TMEM232: variants seen among roughly 807,000 people sequenced by gnomAD.
The protein encoded by TMEM232 is transmembrane protein 232.
Under a neutral mutation model 78.8 loss-of-function variants are expected in TMEM232, and 80 were observed. The ratio of observed to expected loss-of-function variants is 1.01; its 90% CI spans 0.85 to 1.22. The LOEUF (loss-of-function observed/expected upper bound fraction) is 1.22. Ranked by LOEUF, TMEM232 falls within the 50% of genes most tolerant of loss-of-function variation. The probability of loss-of-function intolerance (pLI) is 0.00; values close to 1 mark genes in which losing one functional copy is unlikely to be tolerated. For missense variants in TMEM232, 881 were observed against 742.2 expected (o/e 1.19, Z -2.17); for synonymous variants, 297 against 254.3 (o/e 1.17, Z -1.60).
chr5:110,672,024 A>C (rs902153275), intron 1 of TMEM232, among the ~76,000 whole-genome samples: 3 of 152,182 alleles, frequency 2.0e-5, no homozygotes, highest in South Asian at 2.1e-4. Flanking sequence ...AAAGAAAAAA[A>C]TACAGGCCAT....
In TMEM232 at chr5:110,638,293, C is replaced by A. The variant is rs1417371583; in HGVS notation, c.406G>T (p.Ala136Ser). The A allele has an allele frequency of 5.8e-6, 9 of 1,550,830 alleles. No homozygotes were observed. ...ACCGATTCCGCAACAAAAAATAAGG[C>A]AGGCAGATGATCATAATCAAAGGAA... ...HASFDYDHLP[A>S]LFFVAESVLY... Residue 136 changes from alanine to serine, a missense_variant, in exon 5 of 14, where the codon GCC (alanine) becomes TCC (serine). Transcript: ENST00000455884.
At chr5:110,647,489 T>C (rs1787656830) in intron 2 of TMEM232, among the ~76,000 whole-genome samples, 1 of 152,046 alleles carries the variant, frequency 6.6e-6, no homozygotes. Context: ...CGTATGTTAT[T>C]ATTGCTTATT....
At chr5:110,662,783 TAA>T (rs1789972485) in intron 2 of TMEM232, among the ~76,000 whole-genome samples, 1 of 152,132 alleles carries the variant, frequency 6.6e-6, no homozygotes, top group South Asian at 2.1e-4. Flanking sequence ...ATGCACATTT[TAA>T]AAAGAAAATC....
chr5:110,471,100 A>T (rs1762622770), intron 12 of TMEM232, among the ~76,000 whole-genome samples: 1 of 152,152 alleles, frequency 6.6e-6, no homozygotes. Flanking sequence ...TGAATAAAAT[A>T]AAAAAGTACA....
chr5:110,669,833 A>T (rs1397496487), intron 1 of TMEM232, among the ~76,000 whole-genome samples: 2 of 152,236 alleles, frequency 1.3e-5, no homozygotes, highest in Non-Finnish European at 1.5e-5. Flanking sequence ...CAATATACGC[A>T]AATCAATAAA....
At chr5:110,547,922 C>T (rs1049341394) in intron 11 of TMEM232, among the ~76,000 whole-genome samples, 4 of 144,604 alleles carry the variant, frequency 2.8e-5, no homozygotes, top group African/African-American at 1.0e-4. Context: ...AGCTTGAACC[C>T]GGGAGGCGAA....
intron 12 of TMEM232, among the ~76,000 whole-genome samples, chr5:110,523,249 G>A (rs944465725): frequency 8.5e-5 from 13 of 152,092 alleles, no homozygotes; most frequent in Middle Eastern, 3.4e-3. Context: ...CAACTGTAGC[G>A]TCTCTTCTTT....
chr5:110,523,609 T>A (rs984443799), intron 12 of TMEM232, among the ~76,000 whole-genome samples: 23 of 152,090 alleles, frequency 1.5e-4, no homozygotes, highest in Non-Finnish European at 2.6e-4. Flanking sequence ...TGCCTAATTT[T>A]AAAAAAATTA....
At chr5:110,516,203 C>A (rs1210355675) in intron 12 of TMEM232, among the ~76,000 whole-genome samples, 1 of 152,110 alleles carries the variant, frequency 6.6e-6, no homozygotes, top group Admixed American at 6.5e-5. Context: ...CGCGCCACTG[C>A]ACTTCAGCCT....
intron 12 of TMEM232, among the ~76,000 whole-genome samples, chr5:110,496,603 A>T (rs1647799759): frequency 6.6e-6 from 1 of 152,024 alleles, no homozygotes; most frequent in South Asian, 2.1e-4. Flanking sequence ...GAGAGAACAG[A>T]TGTCTCAGAT....
At chr5:110,670,899 A>T (rs1791267496) in intron 1 of TMEM232, among the ~76,000 whole-genome samples, 1 of 152,174 alleles carries the variant, frequency 6.6e-6, no homozygotes, top group Non-Finnish European at 1.5e-5. Context: ...TGTGCAAAGG[A>T]GATAATTTGG....
intron 2 of TMEM232, among the ~76,000 whole-genome samples, chr5:110,644,513 A>G (rs186055197): frequency 1.1e-4 from 17 of 151,856 alleles, no homozygotes; most frequent in African/African-American, 3.9e-4. Context: ...TTAACAGCCA[A>G]GATTAATGAC....
chr5:110,553,310 T>C (rs10056242), intron 11 of TMEM232, among the ~76,000 whole-genome samples: 1 of 152,108 alleles, frequency 6.6e-6, no homozygotes, highest in Non-Finnish European at 1.5e-5. Context: ...AATATGCATA[T>C]TGCTTTGGGC....
chr5:110,548,389 AT>A (rs1774045830), intron 11 of TMEM232, among the ~76,000 whole-genome samples: 1 of 147,790 alleles, frequency 6.8e-6, no homozygotes, highest in Non-Finnish European at 1.5e-5. Context: ...TTAATCTTAA[AT>A]ATTAAAATAT....
chr5:110,547,138 T>C (rs10214004), intron 11 of TMEM232, among the ~76,000 whole-genome samples: 6,818 of 152,232 alleles, frequency 0.045, 543 homozygotes, highest in African/African-American at 0.16. Flanking sequence ...TCTAAAACTT[T>C]TTACCTATAG....
intron 10 of TMEM232, among the ~76,000 whole-genome samples, chr5:110,581,708 C>G (rs1252548421): frequency 6.6e-6 from 1 of 151,662 alleles, no homozygotes; most frequent in African/African-American, 2.4e-5. Context: ...AAGGAACCAT[C>G]AACAGAGTAA....
rs542216310 is a variant in TMEM232, at chr5:110,412,896, C to T, written n.308+11927G>A. Among the ~76,000 whole-genome samples the T allele has an allele frequency of 3.9e-5, 6 of 152,180 alleles. No homozygotes were observed. In the East Asian group the frequency reaches 7.7e-4, roughly 20 times the overall value. On this transcript the variant is annotated intron_variant and non_coding_transcript_variant, in intron 2 of 8. Coordinates refer to the TMEM232 transcript ENST00000507188. ...TTAATTTTTTAAAAAAGTTTTAAAACATAAGTTTCAAAGCCTTACACATTA... is the reference window on the plus strand; with the variant it reads ...TTAATTTTTTAAAAAAGTTTTAAAATATAAGTTTCAAAGCCTTACACATTA...
chr5:110,445,167 G>C (rs1374537366), intron 12 of TMEM232, among the ~76,000 whole-genome samples: 3 of 151,342 alleles, frequency 2.0e-5, no homozygotes, highest in Non-Finnish European at 4.4e-5. Flanking sequence ...AAAATTTTCT[G>C]ATTGCCTTCT....
intron 12 of TMEM232, among the ~76,000 whole-genome samples, chr5:110,520,772 G>A (rs781130737): frequency 2.1e-4 from 32 of 152,070 alleles, no homozygotes; most frequent in Non-Finnish European, 4.3e-4. Flanking sequence ...TACAAAATTA[G>A]CCAGGCATGG....
Sources: gnomAD v4.1 joint callset for allele counts (sites outside exome capture counted in the v4.1 genomes callset) on GRCh38, gnomAD v4.1.1 for gene constraint, MANE v1.5 for transcripts, NCBI Gene and HGNC (gene_info 2026-07-23, HGNC 2026-07-21) for gene names.